Variants in PCDHA3 observed in about 807,000 individuals in gnomAD.
The protein encoded by PCDHA3 is protocadherin alpha-3.
PCDHA3 carries 41 observed loss-of-function variants against 62.2 expected under a neutral mutation model. The observed-to-expected ratio is 0.66, with a 90% CI of 0.51 to 0.86. PCDHA3 has a LOEUF of 0.86. PCDHA3 is among the 40% of genes least tolerant of loss of function. The pLI is 0.00. For synonymous variants in PCDHA3, 640 were observed against 555.4 expected (o/e 1.15, Z -2.14); for missense variants, 1,304 against 1,241.2 (o/e 1.05, Z -0.76).
intron 1 of PCDHA3, chr5:140,877,206 C>G (rs782807049): frequency 6.2e-7 from 1 of 1,613,768 alleles, no homozygotes; most frequent in South Asian, 1.1e-5. Context: ...GCGCAGTTAG[C>G]GAGTTGGTAC....
chr5:140,927,008 T>C (rs1482906318), intron 1 of PCDHA3: 1 of 1,612,396 alleles, frequency 6.2e-7, no homozygotes, highest in Admixed American at 1.7e-5. Context: ...GTAGGCAATC[T>C]CTCCGCGGAC....
At chr5:140,953,565 C>A (rs1433649283) in intron 1 of PCDHA3, among the ~76,000 whole-genome samples, 2 of 151,370 alleles carry the variant, frequency 1.3e-5, no homozygotes, top group African/African-American at 2.5e-5. Context: ...AGTTTTAGTG[C>A]CCTCCTCTCC....
At chr5:140,991,025 A>G (rs1440890555) in intron 3 of PCDHA3, among the ~76,000 whole-genome samples, 2 of 152,208 alleles carry the variant, frequency 1.3e-5, no homozygotes, top group African/African-American at 4.8e-5. Flanking sequence ...CACTTTACAT[A>G]TGTTGCATAC....
intron 1 of PCDHA3, chr5:140,862,574 C>G (rs1338632403): frequency 4.1e-6 from 2 of 484,868 alleles, no homozygotes; most frequent in East Asian, 1.1e-4. Context: ...AATGCCCTGG[C>G]GTTCCAGCAG....
In PCDHA3 at chr5:141,010,177, C is replaced by T; in HGVS notation, c.*240C>T. 3 of 1,556,196 alleles carry T rather than the reference C, an allele frequency of 1.9e-6. No homozygotes were observed. The highest frequency in any genetic ancestry group is 1.7e-4 in the Middle Eastern group (1 of 6,000). On this transcript the variant is annotated 3_prime_UTR_variant, in exon 4 of 4. Coordinates refer to ENST00000522353, the MANE Select transcript of PCDHA3 (RefSeq NM_018906.3). ...TGGCTTGTTTTCAGAACCTAAAAAG[C>T]AGACCCAAGTTTCCTTTCTCCTCCG... is the stretch of plus-strand genomic sequence containing the variant.
intron 1 of PCDHA3, chr5:140,805,052 C>A (rs1763500442): frequency 1.9e-6 from 3 of 1,591,196 alleles, no homozygotes; most frequent in African/African-American, 2.7e-5. Context: ...AAGTACTTGT[C>A]TTCCCAGATA....
rs116814228 is a variant in PCDHA3, at chr5:140,916,284, C to T, written c.2395-62665C>T. ...AGAGCATGCTTGTTGCTCTACTCCACGTGGCCAAACTGGTACCAAAGGTGC... is the reference window on the plus strand; with the variant it reads ...AGAGCATGCTTGTTGCTCTACTCCATGTGGCCAAACTGGTACCAAAGGTGC... On this transcript the variant is annotated intron_variant, in intron 1 of 3. Coordinates refer to ENST00000522353, the MANE Select transcript of PCDHA3 (RefSeq NM_018906.3). Among the ~76,000 whole-genome samples the T allele has an allele frequency of 8.7e-3, 1,322 of 152,308 alleles. 14 individuals carry two copies. The highest frequency in any genetic ancestry group is 0.03 in the African/African-American group (1,254 of 41,566).
chr5:140,941,191 T>TTTTTCTTTCTTTC lies in PCDHA3; in HGVS notation c.2395-37755_2395-37754insTCTTTCTTTCTTT, dbSNP rs1554213809. On this transcript the variant is annotated intron_variant, in intron 1 of 3. Transcript: ENST00000522353. ...CATCTTGAACATCCTGCTTCTTTTT[T>TTTTTCTTTCTTTC]TTTCTTTCTTCCTTTCTTTCTTCCT... Among the ~76,000 whole-genome samples the TTTTTCTTTCTTTC allele has an allele frequency of 1.3e-4, 12 of 93,256 alleles. No individual in the cohort carries two copies. In the East Asian group the frequency reaches 2.9e-3, roughly 23 times the overall value. 61.2% of individuals were successfully genotyped at this position (93,256 alleles called of 152,430 possible). A position where few individuals can be genotyped will look rare whatever the true frequency, so the allele number is the denominator to read the frequency against.
At chr5:140,902,085 GT>G (rs1225919893) in intron 1 of PCDHA3, among the ~76,000 whole-genome samples, 1 of 151,518 alleles carries the variant, frequency 6.6e-6, no homozygotes, top group African/African-American at 2.4e-5. Context: ...TGTTTTAATA[GT>G]TTTTTGGAGT....
intron 1 of PCDHA3, chr5:140,856,159 G>A (rs1554148275): frequency 6.3e-7 from 1 of 1,598,348 alleles, no homozygotes; most frequent in Non-Finnish European, 8.6e-7. Context: ...TCTACGAGGA[G>A]GCCAGACACG....
intron 1 of PCDHA3, among the ~76,000 whole-genome samples, chr5:140,923,834 T>G (rs2081542074): frequency 6.6e-6 from 1 of 152,210 alleles, no homozygotes; most frequent in South Asian, 2.1e-4. Flanking sequence ...AGTGGCAGTT[T>G]AAATAGAGAA....
Position 140,803,232 on chromosome 5 carries a change from T to G in PCDHA3, c.2035T>G (p.Ser679Ala). 1.9e-6 allele frequency: 3 copies of G among 1,613,820 alleles called. No homozygotes were observed. Among genetic ancestry groups the G allele is most frequent in the Non-Finnish European group, 2.5e-6 (3 of 1,179,942 alleles). Residue 679 changes from serine to alanine, a missense_variant, in exon 1 of 4, where the codon TCG becomes GCG. By Grantham distance (99) the Ser-to-Ala change is moderately conservative. Coordinates refer to ENST00000522353, the MANE Select transcript of PCDHA3 (RefSeq NM_018906.3). ...GGAGAGTGGCCAGGCACCCAAGGCC[T>G]CGTCCCAGGCGTCCGCTGGCGCCAC... is the stretch of plus-strand genomic sequence containing the variant. ...LVESGQAPKA[S>A]SQASAGATGP... is the part of the protein sequence containing the mutation.
At chr5:140,819,676 G>A (rs1766598888) in intron 1 of PCDHA3, among the ~76,000 whole-genome samples, 1 of 152,082 alleles carries the variant, frequency 6.6e-6, no homozygotes, top group Non-Finnish European at 1.5e-5. Flanking sequence ...GTTGATCACT[G>A]TAGCACAAAT....
chr5:140,892,310 A>AT (rs1422110989), intron 1 of PCDHA3, among the ~76,000 whole-genome samples: 1 of 152,230 alleles, frequency 6.6e-6, no homozygotes, highest in Non-Finnish European at 1.5e-5. Flanking sequence ...TTTGGGGCTT[A>AT]TAACATTTTC....
At chr5:140,989,996 A>G (rs1554251207) in intron 3 of PCDHA3, among the ~76,000 whole-genome samples, 1 of 152,144 alleles carries the variant, frequency 6.6e-6, no homozygotes, top group Non-Finnish European at 1.5e-5. Context: ...GAAATTGTCT[A>G]TCTCCAAGGG....
rs2150159455 is a variant in PCDHA3 at position 140,828,832 on chromosome 5, C to T, written c.2394+25241C>T. 5 of 1,614,118 alleles carry T rather than the reference C, an allele frequency of 3.1e-6. No individual in the cohort carries two copies. The African/African-American group carries it at 5.3e-5, about 17-fold the overall frequency. ...CTCCCACTTTCGAACAGTCTGAATACGAAGTAAGAATATTCGAAAATGCAG... is the reference window on the plus strand; with the variant it reads ...CTCCCACTTTCGAACAGTCTGAATATGAAGTAAGAATATTCGAAAATGCAG... On this transcript the variant is annotated intron_variant, in intron 1 of 3. Transcript: ENST00000522353.
intron 1 of PCDHA3, among the ~76,000 whole-genome samples, chr5:140,935,347 T>C (rs886241397): frequency 1.3e-5 from 2 of 152,180 alleles, no homozygotes; most frequent in African/African-American, 4.8e-5. Flanking sequence ...ATACGTCAAA[T>C]CCCAGTTTTC....
chr5:140,857,861 T>A lies in PCDHA3; in HGVS notation c.2394+54270T>A, dbSNP rs890760526. 6.3e-7 allele frequency: 1 copy of A among 1,597,494 alleles called. No homozygotes were observed. The highest frequency in any genetic ancestry group is 2.2e-5 in the East Asian group (1 of 44,806). ...GGACGCTGACTCTGGATACAACGCGTGGCTGTCGTATGAATTGCAGTCGGC... is the reference window on the plus strand; with the variant it reads ...GGACGCTGACTCTGGATACAACGCGAGGCTGTCGTATGAATTGCAGTCGGC... On this transcript the variant is annotated intron_variant, in intron 1 of 3. Transcript: ENST00000522353.
intron 3 of PCDHA3, among the ~76,000 whole-genome samples, chr5:140,987,826 G>T (rs1481540038): frequency 6.6e-6 from 1 of 152,014 alleles, no homozygotes; most frequent in Non-Finnish European, 1.5e-5. Flanking sequence ...TTTCCTTAGG[G>T]GATTGCTTTT....
Sources: gnomAD v4.1 joint callset for allele counts (sites outside exome capture counted in the v4.1 genomes callset) on GRCh38, gnomAD v4.1.1 for gene constraint, MANE v1.5 for transcripts, NCBI Gene and HGNC (gene_info 2026-07-23, HGNC 2026-07-21) for gene names.